Variants in DRC7 observed in about 807,000 individuals in gnomAD.
DRC7 encodes dynein regulatory complex subunit 7.
In DRC7, 80 loss-of-function variants were observed where a neutral mutation model predicts 104.4. That is an observed-to-expected ratio of 0.77 (90% CI 0.64 to 0.92). DRC7 has a LOEUF of 0.92. Among genes scored for constraint, DRC7 ranks in the 40% least tolerant of loss-of-function variants. DRC7 has a pLI of 0.00. For missense variants in DRC7, 1,034 were observed against 1,141.1 expected (o/e 0.91, Z 1.35); for synonymous variants, 405 against 447.3 (o/e 0.91, Z 1.19).
At chr16:57,727,065 G>A (rs1181728869) in intron 15 of DRC7, 123 bp downstream of exon 15, 28 of 693,520 alleles carry the variant, frequency 4.0e-5, no homozygotes, top group Non-Finnish European at 6.0e-5. Context: ...GGCTCAGGTG[G>A]TCCTCCCACC....
At chr16:57,702,534 C>T (rs1269082914) in intron 6 of DRC7, among the ~76,000 whole-genome samples, 4 of 152,228 alleles carry the variant, frequency 2.6e-5, no homozygotes, top group African/African-American at 7.2e-5. Flanking sequence ...TGCGGTGGCT[C>T]ATGCCTGTAA....
At chr16:57,730,860 G>A (rs1357621656) in intron 17 of DRC7, 71 bp from the exon 18 acceptor site, 2 of 1,539,674 alleles carry the variant, frequency 1.3e-6, no homozygotes, top group Non-Finnish European at 1.8e-6. Flanking sequence ...TGACCCATGG[G>A]ATTGCAGCCT....
chr16:57,702,817 G>T lies in DRC7; in HGVS notation c.699+687G>T, dbSNP rs990798067. 1.1e-4 allele frequency among the ~76,000 whole-genome samples: 16 copies of T among 151,908 alleles called. 1 individual carries two copies. The highest frequency in any genetic ancestry group is 2.4e-4 in the Non-Finnish European group (16 of 67,990). On this transcript the variant is annotated intron_variant, in intron 6 of 18. Transcript: ENST00000360716. ...ACTCCATCTCAAAAAATAAATAAAA[G>T]AAATAAAAAATAACAGACAAGTGAA...
intron 10 of DRC7, among the ~76,000 whole-genome samples, 172 bp downstream of exon 10, chr16:57,721,911 C>T (rs1597808479): frequency 6.6e-6 from 1 of 150,624 alleles, no homozygotes; most frequent in African/African-American, 2.4e-5. Context: ...TCCTGCCACA[C>T]GCACTCAGCT....
At chr16:57,698,173 G>GGTA (rs2048617714) in intron 3 of DRC7, 21 bp downstream of exon 3, 11 of 1,613,532 alleles carry the variant, frequency 6.8e-6, no homozygotes, top group Non-Finnish European at 9.3e-6. Context: ...CAGGGTGGGG[G>GGTA]CCCTGGCAAG....
Position 57,708,802 on chromosome 16 carries a change from T to A in DRC7, c.1077+1124T>A, listed in dbSNP as rs536249300. Among the ~76,000 whole-genome samples the A allele has an allele frequency of 2.0e-4, 31 of 152,314 alleles. No homozygotes were observed. In the South Asian group the frequency reaches 6.4e-3, roughly 32 times the overall value. ...TCCATTTTAGCTATTGTAGTGGACATGTAATGGTATTGCACTGTGGTTTTA... is the reference window on the plus strand; with the variant it reads ...TCCATTTTAGCTATTGTAGTGGACAAGTAATGGTATTGCACTGTGGTTTTA... On this transcript the variant is annotated intron_variant, in intron 8 of 18. Transcript: ENST00000360716.
At chr16:57,718,248 T>G in intron 8 of DRC7, 99 bp from the exon 9 acceptor site, 1 of 1,489,586 alleles carries the variant, frequency 6.7e-7, no homozygotes, top group South Asian at 1.3e-5. Flanking sequence ...CCCAGGTCCC[T>G]TCTCTGCCCC....
At position 57,704,955 on chromosome 16, in the gene DRC7, A is replaced by G; in HGVS notation, c.779A>G (p.Gln260Arg). 3 of 1,613,804 alleles carry G rather than the reference A, an allele frequency of 1.9e-6. No individual in the cohort carries two copies. The Middle Eastern group carries it at 5.0e-4, about 270-fold the overall frequency. Reference sequence around the variant, plus strand: ...AGGGACCTGTGCAGCAGGTTTGAGCAGGAGCAAGAGGTGAAGAAGCAGCAG... The same window carrying G: ...AGGGACCTGTGCAGCAGGTTTGAGCGGGAGCAAGAGGTGAAGAAGCAGCAG... ...PPRDLCSRFE[Q>R]EQEVKKQQEI... Residue 260 changes from glutamine (Q) to arginine (R), a missense_variant, in exon 7 of 19, where the codon CAG (glutamine) becomes CGG (arginine). By Grantham distance (43) the Gln-to-Arg change is conservative. Coordinates refer to ENST00000360716, the MANE Select transcript of DRC7 (RefSeq NM_001289162.2).
chr16:57,703,742 G>A (rs2048683027), intron 6 of DRC7, among the ~76,000 whole-genome samples: 1 of 152,096 alleles, frequency 6.6e-6, no homozygotes, highest in Non-Finnish European at 1.5e-5. Flanking sequence ...TGAGGCAAGT[G>A]GACCACTTGA....
chr16:57,712,232 C>T (rs1004521559), intron 8 of DRC7, among the ~76,000 whole-genome samples: 24 of 152,176 alleles, frequency 1.6e-4, no homozygotes, highest in African/African-American at 5.5e-4. Context: ...TGTGCAAAGG[C>T]GGTTTCAAGA....
intron 6 of DRC7, 72 bp downstream of exon 6, chr16:57,702,202 A>T: frequency 6.5e-7 from 1 of 1,528,844 alleles, no homozygotes. Flanking sequence ...CCATCCTTAG[A>T]GACGTCCATC....
chr16:57,704,376 T>TACACACACAC lies in DRC7; in HGVS notation c.700-479_700-470dup, dbSNP rs55873452. Among the ~76,000 whole-genome samples the TACACACACAC allele has an allele frequency of 4.8e-3, 717 of 149,090 alleles. 4 individuals are homozygous for TACACACACAC. Among genetic ancestry groups the TACACACACAC allele is most frequent in the African/African-American group, 0.016 (661 of 40,670 alleles). ...GCACACATTTGTAGACACGCAAGCG[T>TACACACACAC]ACACACACACACACACACACACACA... On this transcript the variant is annotated intron_variant, in intron 6 of 18. Transcript: ENST00000360716.
chr16:57,721,654 T>C lies in DRC7; in HGVS notation c.1207-13T>C, dbSNP rs2048904003. On this transcript the variant is annotated splice_polypyrimidine_tract_variant and intron_variant, in intron 9 of 18. Coordinates refer to ENST00000360716, the MANE Select transcript of DRC7 (RefSeq NM_001289162.2). ...ACCAGCACCACCTCCCCCACCCCCT[T>C]CTCTCCCATCAGGGCAAGGAGGATG... 1 of 1,608,928 alleles carries C rather than the reference T, an allele frequency of 6.2e-7. No individual in the cohort carries two copies. The highest frequency in any genetic ancestry group is 8.5e-7 in the Non-Finnish European group (1 of 1,176,010).
At chr16:57,728,335 T>A in intron 16 of DRC7, 55 bp from the exon 17 acceptor site, 1 of 1,473,270 alleles carries the variant, frequency 6.8e-7, no homozygotes, top group African/African-American at 1.4e-5. Flanking sequence ...GCAGAGCTGG[T>A]GGAGAGGTCT....
intron 3 of DRC7, among the ~76,000 whole-genome samples, 190 bp downstream of exon 3, chr16:57,698,342 T>G (rs557111133): frequency 6.6e-6 from 1 of 152,076 alleles, no homozygotes; most frequent in African/African-American, 2.4e-5. Context: ...CTGTGTGACC[T>G]TGGGCAAGTC....
intron 16 of DRC7, among the ~76,000 whole-genome samples, chr16:57,727,993 G>A (rs972802669): frequency 6.6e-6 from 1 of 152,184 alleles, no homozygotes; most frequent in Non-Finnish European, 1.5e-5. Context: ...CAGGCCCCAG[G>A]GTGGAAAAGA....
At chr16:57,728,940 G>T (rs929902317) in intron 17 of DRC7, among the ~76,000 whole-genome samples, 2 of 151,788 alleles carry the variant, frequency 1.3e-5, no homozygotes, top group African/African-American at 2.4e-5. Context: ...ACAGATGGGT[G>T]GGTGGATGGG....
chr16:57,722,762 G>A lies in DRC7; in HGVS notation c.1329G>A (p.Arg443=), dbSNP rs1318178963. Residue 443 remains arginine, a synonymous_variant, in exon 11 of 19, where the codon AGG becomes AGA. Coordinates refer to ENST00000360716, the MANE Select transcript of DRC7 (RefSeq NM_001289162.2). ...GGAAGAAGGTGATTCAGTACAAGAG[G>A]GCAAAGCTGGAGAAGTGGGCCCCGT... ...PNGKKVIQYK[R]AKLEKWAPYL... 6.2e-7 allele frequency: 1 copy of A among 1,613,896 alleles called. No individual in the cohort carries two copies. Among genetic ancestry groups the A allele is most frequent in the Non-Finnish European group, 8.5e-7 (1 of 1,180,004 alleles).
chr16:57,714,634 T>TCACACACA lies in DRC7; in HGVS notation c.1078-3704_1078-3697dup, dbSNP rs111259708. 1,429 of 186,890 alleles carry TCACACACA rather than the reference T, an allele frequency of 7.6e-3. 22 individuals are homozygous for TCACACACA. The highest frequency in any genetic ancestry group is 0.032 in the African/African-American group (1,315 of 41,246). 11.6% of individuals were successfully genotyped at this position (186,890 alleles called of 1,614,324 possible). ...GAGAGAGAGAGTCTCTCTCTCTCTG[T>TCACACACA]CACACACACACACACATACATATGC... On this transcript the variant is annotated intron_variant, in intron 8 of 18. Coordinates refer to ENST00000360716, the MANE Select transcript of DRC7 (RefSeq NM_001289162.2).
Sources: gnomAD v4.1 joint callset for allele counts (sites outside exome capture counted in the v4.1 genomes callset) on GRCh38, gnomAD v4.1.1 for gene constraint, MANE v1.5 for transcripts, NCBI Gene and HGNC (gene_info 2026-07-23, HGNC 2026-07-21) for gene names.